The following GPHN variants were observed in gnomAD, a reference collection of about 807,000 sequenced individuals.
GPHN encodes the protein gephyrin.
Under a neutral mutation model 95.5 loss-of-function variants are expected in GPHN, and 17 were observed. The ratio of observed to expected loss-of-function variants is 0.18; its 90% CI spans 0.12 to 0.27. GPHN has a LOEUF of 0.27. Ranked by LOEUF, GPHN falls within the 10% of genes least tolerant of loss-of-function variation. The probability of loss-of-function intolerance (pLI) is 1.00; values close to 1 mark genes in which losing one functional copy is unlikely to be tolerated. For missense variants in GPHN, 660 were observed against 978.1 expected (o/e 0.67, Z 4.34); for synonymous variants, 320 against 322.5 (o/e 0.99, Z 0.08).
the GPHN span, among the ~76,000 whole-genome samples, chr14:67,423,498 A>G: frequency 7.2e-5 from 11 of 151,954 alleles, no homozygotes; most frequent in Non-Finnish European, 1.3e-4. Context: ...GTGGGGAGGG[A>G]CCACAGGTGA....
At chr14:67,332,754 TCA>T in the GPHN span, 1 of 1,589,256 alleles carries the variant, frequency 6.3e-7, no homozygotes, top group South Asian at 1.1e-5. Flanking sequence ...AGGAATTATC[TCA>T]CAGTTTTTAT....
chr14:66,611,981 G>A (rs1429008242), intron 1 of GPHN, among the ~76,000 whole-genome samples: 1 of 151,892 alleles, frequency 6.6e-6, no homozygotes, highest in African/African-American at 2.4e-5. Flanking sequence ...TATCCTTTTT[G>A]TGTGATTTCA....
intron 5 of GPHN, among the ~76,000 whole-genome samples, chr14:66,895,510 TA>T (rs1300189440): frequency 1.3e-5 from 2 of 152,182 alleles, no homozygotes; most frequent in Non-Finnish European, 2.9e-5. Context: ...AGTATAATTT[TA>T]AAAAATATGT....
chr14:66,910,082 A>G (rs1029936396), intron 5 of GPHN, among the ~76,000 whole-genome samples: 2 of 152,082 alleles, frequency 1.3e-5, no homozygotes, highest in East Asian at 1.9e-4. Context: ...ATTAGGTGCT[A>G]TACAATAGGT....
At chr14:66,631,821 C>G (rs2063824304) in intron 1 of GPHN, among the ~76,000 whole-genome samples, 2 of 152,052 alleles carry the variant, frequency 1.3e-5, no homozygotes, top group African/African-American at 4.8e-5. Context: ...ACTAAAGAAT[C>G]TTCATTAACA....
chr14:66,555,566 T>C (rs2059977817), intron 1 of GPHN, among the ~76,000 whole-genome samples: 1 of 152,160 alleles, frequency 6.6e-6, no homozygotes, highest in Admixed American at 6.5e-5. Flanking sequence ...GGATTTCATT[T>C]TTATACTGAT....
chr14:67,248,272 G>A, the GPHN span, among the ~76,000 whole-genome samples: 8 of 152,002 alleles, frequency 5.3e-5, no homozygotes, highest in Admixed American at 1.3e-4. Flanking sequence ...TGTAGCCCCA[G>A]CCAATTGGGA....
intron 4 of GPHN, among the ~76,000 whole-genome samples, chr14:66,873,435 G>A (rs2063524945): frequency 6.6e-6 from 1 of 152,168 alleles, no homozygotes; most frequent in African/African-American, 2.4e-5. Flanking sequence ...CCTGGAAAGG[G>A]GGCTGAAGCC....
intron 4 of GPHN, among the ~76,000 whole-genome samples, chr14:66,833,022 G>T (rs2061639009): frequency 6.6e-6 from 1 of 152,080 alleles, no homozygotes; most frequent in South Asian, 2.1e-4. Flanking sequence ...GGATACACTA[G>T]ACCTACATTA....
the GPHN span, among the ~76,000 whole-genome samples, chr14:67,567,349 A>C: frequency 6.6e-6 from 1 of 152,184 alleles, no homozygotes; most frequent in Non-Finnish European, 1.5e-5. Context: ...TCCTTAAAAC[A>C]ACCTTGTGAG....
chr14:66,939,826 C>G (rs1365374996), intron 8 of GPHN, among the ~76,000 whole-genome samples: 1 of 152,170 alleles, frequency 6.6e-6, no homozygotes, highest in African/African-American at 2.4e-5. Context: ...CTTCAGAGGC[C>G]TATCTAAGGG....
the GPHN span, chr14:67,706,087 AT>A: frequency 6.6e-6 from 1 of 152,190 alleles, no homozygotes; most frequent in Non-Finnish European, 1.5e-5. Flanking sequence ...CAGCATCAAT[AT>A]AGTGACCTCC....
At chr14:67,454,024 A>G in the GPHN span, 1 of 152,156 alleles carries the variant, frequency 6.6e-6, no homozygotes, top group Non-Finnish European at 1.5e-5. Context: ...TGAAGGCAGC[A>G]AGACAGACTT....
chr14:67,658,189 C>T, the GPHN span, among the ~76,000 whole-genome samples: 4 of 150,852 alleles, frequency 2.7e-5, no homozygotes, highest in Admixed American at 2.7e-4. Flanking sequence ...AGATTTTCAA[C>T]TGAGTAGGCT....
chr14:67,059,492 C>A (rs1263157916), intron 11 of GPHN, among the ~76,000 whole-genome samples: 1 of 151,986 alleles, frequency 6.6e-6, no homozygotes, highest in Non-Finnish European at 1.5e-5. Context: ...AGAAACAACA[C>A]AACAGAATTA....
At chr14:67,700,175 T>G in the GPHN span, among the ~76,000 whole-genome samples, 1 of 151,822 alleles carries the variant, frequency 6.6e-6, no homozygotes, top group East Asian at 1.9e-4. Context: ...AGGAAGAGTG[T>G]GTCCAGAGTT....
At chr14:66,828,205 TTAAA>T (rs2061450694) in intron 4 of GPHN, among the ~76,000 whole-genome samples, 2 of 151,880 alleles carry the variant, frequency 1.3e-5, no homozygotes, top group Non-Finnish European at 2.9e-5. Flanking sequence ...TCGTGGGCTA[TTAAA>T]TAATACTAAT....
chr14:67,314,260 T>C, the GPHN span, among the ~76,000 whole-genome samples: 23,525 of 152,104 alleles, frequency 0.15, 3,429 homozygotes, highest in East Asian at 0.42. Context: ...ACAGAGGAAG[T>C]TGTCCAAAGA....
At chr14:67,541,964 A>T in the GPHN span, 1 of 1,607,692 alleles carries the variant, frequency 6.2e-7, no homozygotes, top group Non-Finnish European at 8.5e-7. Flanking sequence ...CCTACAGGCC[A>T]GCAAGATAAG....
Sources: allele counts gnomAD v4.1 joint callset (sites outside exome capture counted in the v4.1 genomes callset), GRCh38; gene constraint gnomAD v4.1.1; transcripts MANE v1.5; gene names NCBI Gene and HGNC (gene_info 2026-07-23, HGNC 2026-07-21).